CAMTA1: variants seen among roughly 807,000 people sequenced by gnomAD.
CAMTA1 encodes calmodulin-binding transcription activator 1.
Under a neutral mutation model 170.9 loss-of-function variants are expected in CAMTA1, and 27 were observed. The ratio of observed to expected loss-of-function variants is 0.16; its 90% confidence interval spans 0.12 to 0.22. The LOEUF is 0.22. CAMTA1 is among the 10% of genes least tolerant of loss of function. CAMTA1 has a pLI of 1.00. For synonymous variants in CAMTA1, 833 were observed against 891.5 expected (o/e 0.93, Z 1.17); for missense variants, 1,619 against 2,217.2 (o/e 0.73, Z 5.42).
intron 3 of CAMTA1, among the ~76,000 whole-genome samples, chr1:7,047,054 A>T (rs1705496463): frequency 2.6e-5 from 4 of 152,084 alleles, no homozygotes; most frequent in Admixed American, 2.6e-4. Context: ...CAGAAGTGAC[A>T]TGTGTGGTTT....
intron 3 of CAMTA1, among the ~76,000 whole-genome samples, chr1:7,034,308 C>A (rs886687324): frequency 6.6e-6 from 1 of 152,168 alleles, no homozygotes; most frequent in Non-Finnish European, 1.5e-5. Context: ...AGGTGCCCAC[C>A]ACCACAGCCA....
intron 6 of CAMTA1, among the ~76,000 whole-genome samples, chr1:7,506,383 C>A (rs1377468228): frequency 1.3e-5 from 2 of 152,186 alleles, no homozygotes; most frequent in Non-Finnish European, 2.9e-5. Flanking sequence ...CTTCCTCAAC[C>A]CACCACCGGA....
chr1:7,449,769 C>CAAA (rs59913060), intron 5 of CAMTA1, among the ~76,000 whole-genome samples: 981 of 79,462 alleles, frequency 0.012, 19 homozygotes, highest in African/African-American at 0.036. Context: ...GACTCGGTCT[C>CAAA]AAAAAAAAAA....
chr1:7,650,300 G>A (rs1311910979), intron 7 of CAMTA1, among the ~76,000 whole-genome samples: 1 of 152,230 alleles, frequency 6.6e-6, no homozygotes, highest in East Asian at 1.9e-4. Flanking sequence ...TGGCTCTAAA[G>A]TGCCACTTTG....
chr1:7,538,038 C>G (rs1444480278), intron 6 of CAMTA1, among the ~76,000 whole-genome samples: 2 of 152,186 alleles, frequency 1.3e-5, no homozygotes, highest in Non-Finnish European at 2.9e-5. Flanking sequence ...GTGTTACGAT[C>G]AGAGGCAAGT....
intron 4 of CAMTA1, among the ~76,000 whole-genome samples, chr1:7,214,309 T>C (rs1025706176): frequency 2.0e-5 from 3 of 152,228 alleles, no homozygotes; most frequent in African/African-American, 7.2e-5. Flanking sequence ...TTCTAACTGG[T>C]GTGAGATGGT....
intron 3 of CAMTA1, among the ~76,000 whole-genome samples, chr1:6,976,853 A>G (rs1454360493): frequency 3.3e-5 from 5 of 152,236 alleles, no homozygotes; most frequent in Admixed American, 2.6e-4. Context: ...GGGAGGTAAT[A>G]GAACCATGGG....
At chr1:7,671,687 T>A (rs1463099270) in intron 10 of CAMTA1, among the ~76,000 whole-genome samples, 1 of 152,154 alleles carries the variant, frequency 6.6e-6, no homozygotes, top group Non-Finnish European at 1.5e-5. Flanking sequence ...TGCTTCCAAT[T>A]TCAGGGGCTC....
At position 6,880,677 on chromosome 1, in the gene CAMTA1, A is replaced by G. The variant is rs140813752; in HGVS notation, c.234+55467A>G. ...AGTGCTGGGATTACAGGCCTGAGCC[A>G]TTATGTCCGGCCTCTAACAGATTTT... On this transcript the variant is annotated intron_variant, in intron 3 of 22. Coordinates refer to ENST00000303635, the MANE Select transcript of CAMTA1 (RefSeq NM_015215.4). 7.6e-3 allele frequency among the ~76,000 whole-genome samples: 1,159 copies of G among 152,332 alleles called. 19 individuals are homozygous for G. Among genetic ancestry groups the G allele is most frequent in the African/African-American group, 0.026 (1,073 of 41,572 alleles).
intron 3 of CAMTA1, among the ~76,000 whole-genome samples, chr1:6,916,927 T>C (rs1368526865): frequency 3.3e-5 from 5 of 152,060 alleles, no homozygotes; most frequent in African/African-American, 4.8e-5. Flanking sequence ...CCTGTTGAGG[T>C]ACATGAGGGG....
At chr1:7,477,160 C>A (rs1430051453) in intron 6 of CAMTA1, among the ~76,000 whole-genome samples, 4 of 152,150 alleles carry the variant, frequency 2.6e-5, no homozygotes, top group Non-Finnish European at 5.9e-5. Flanking sequence ...CTCACTCAGT[C>A]CAGAAGCTGC....
At chr1:7,237,832 C>T (rs1049299684) in intron 4 of CAMTA1, among the ~76,000 whole-genome samples, 2 of 152,236 alleles carry the variant, frequency 1.3e-5, no homozygotes, top group Non-Finnish European at 2.9e-5. Context: ...CTCATTGTTA[C>T]TCCCCACAGG....
intron 3 of CAMTA1, among the ~76,000 whole-genome samples, chr1:6,944,533 G>A (rs1283419163): frequency 6.6e-6 from 1 of 152,098 alleles, no homozygotes; most frequent in Non-Finnish European, 1.5e-5. Context: ...ACAGGCACAG[G>A]CTGCTCTCCT....
chr1:6,902,883 C>T (rs978141636), intron 3 of CAMTA1, among the ~76,000 whole-genome samples: 5 of 152,102 alleles, frequency 3.3e-5, no homozygotes, highest in Admixed American at 6.5e-5. Flanking sequence ...TAGTCCAACC[C>T]CTTGGGAGAC....
At chr1:7,550,864 C>T (rs1333054112) in intron 6 of CAMTA1, among the ~76,000 whole-genome samples, 1 of 150,858 alleles carries the variant, frequency 6.6e-6, no homozygotes, top group African/African-American at 2.4e-5. Flanking sequence ...CTGACCCTCT[C>T]TCACCTGGGC....
intron 4 of CAMTA1, among the ~76,000 whole-genome samples, chr1:7,180,144 A>G (rs1263223645): frequency 6.6e-6 from 1 of 152,134 alleles, no homozygotes; most frequent in Admixed American, 6.5e-5. Flanking sequence ...AGGCGGGTGG[A>G]TCACCTGAGG....
intron 5 of CAMTA1, among the ~76,000 whole-genome samples, chr1:7,269,425 A>G (rs887038115): frequency 1.2e-4 from 18 of 152,202 alleles, no homozygotes; most frequent in Non-Finnish European, 7.3e-5. Context: ...AGTTTTTTGT[A>G]ACCTTATTAC....
At chr1:7,344,035 T>G (rs964112419) in intron 5 of CAMTA1, among the ~76,000 whole-genome samples, 1 of 152,234 alleles carries the variant, frequency 6.6e-6, no homozygotes, top group Non-Finnish European at 1.5e-5. Context: ...GAGACAGTGC[T>G]TGCTGGGTGG....
At position 7,739,902 on chromosome 1, in the gene CAMTA1, T is replaced by C. The variant is rs146109838; in HGVS notation, c.4182+1420T>C. ...GAATTATGGGAGCTACAATTCAAGA[T>C]GAGATTTCGGTGAGGACAGCCAAAC... On this transcript the variant is annotated intron_variant, in intron 16 of 22. Transcript: ENST00000303635. 6.6e-3 allele frequency among the ~76,000 whole-genome samples: 1,004 copies of C among 151,958 alleles called. 11 individuals are homozygous for C. Among genetic ancestry groups the C allele is most frequent in the African/African-American group, 0.023 (962 of 41,412 alleles).
Sources: gnomAD v4.1 joint callset for allele counts (sites outside exome capture counted in the v4.1 genomes callset) on GRCh38, gnomAD v4.1.1 for gene constraint, MANE v1.5 for transcripts, NCBI Gene and HGNC (gene_info 2026-07-23, HGNC 2026-07-21) for gene names.